C12orf56: variants seen among roughly 807,000 people sequenced by gnomAD.
The protein encoded by C12orf56 is chromosome 12 open reading frame 56, also known as uncharacterized protein C12orf56.
In C12orf56, 71 loss-of-function variants were observed where a neutral mutation model predicts 69.9. That is an observed-to-expected ratio of 1.02 (90% CI 0.84 to 1.24). C12orf56 has a LOEUF of 1.24. Ranked by LOEUF, C12orf56 falls within the 50% of genes most tolerant of loss-of-function variation. C12orf56 has a pLI of 0.00. For missense variants in C12orf56, 732 were observed against 738.5 expected (o/e 0.99, Z 0.10); for synonymous variants, 276 against 274.1 (o/e 1.01, Z -0.07).
chr12:64,300,656 C>T (rs1263838472), intron 6 of C12orf56, among the ~76,000 whole-genome samples: 1 of 152,168 alleles, frequency 6.6e-6, no homozygotes, highest in Non-Finnish European at 1.5e-5. Flanking sequence ...GTTCCCACAC[C>T]CTAAACAAGC....
intron 1 of C12orf56, among the ~76,000 whole-genome samples, chr12:64,378,901 A>G (rs1321686356): frequency 6.6e-6 from 1 of 151,796 alleles, no homozygotes; most frequent in Non-Finnish European, 1.5e-5. Context: ...AAATACAAAC[A>G]TTAGCCGGGT....
At chr12:64,385,764 C>T (rs1456134442) in intron 1 of C12orf56, among the ~76,000 whole-genome samples, 3 of 152,100 alleles carry the variant, frequency 2.0e-5, no homozygotes, top group Admixed American at 6.6e-5. Context: ...CCTGAATGCT[C>T]GGGGAGCCTG....
chr12:64,332,349 TC>T (rs1164752780), intron 2 of C12orf56, among the ~76,000 whole-genome samples: 1 of 150,850 alleles, frequency 6.6e-6, no homozygotes, highest in African/African-American at 2.4e-5. Context: ...GTGCATGAGT[TC>T]CTTCCAAAGT....
At chr12:64,303,012 C>T (rs1468425761) in intron 6 of C12orf56, among the ~76,000 whole-genome samples, 1 of 152,048 alleles carries the variant, frequency 6.6e-6, no homozygotes, top group Non-Finnish European at 1.5e-5. Flanking sequence ...GTGGTTCACA[C>T]CTGTAACTCC....
intron 1 of C12orf56, among the ~76,000 whole-genome samples, chr12:64,356,169 T>TAA: frequency 1.6e-5 from 1 of 64,178 alleles, no homozygotes; most frequent in Non-Finnish European, 2.6e-5. Flanking sequence ...AGACTCCATC[T>TAA]CAAAAAAAAA....
intron 5 of C12orf56, among the ~76,000 whole-genome samples, chr12:64,307,368 CTTT>C (rs748644044): frequency 8.7e-6 from 1 of 115,260 alleles, no homozygotes; most frequent in Non-Finnish European, 1.7e-5. Context: ...ATAGTCAGTC[CTTT>C]TTTTTTTTTT....
chr12:64,370,431 A>G (rs2039555420), intron 1 of C12orf56, among the ~76,000 whole-genome samples: 1 of 151,998 alleles, frequency 6.6e-6, no homozygotes, highest in Admixed American at 6.6e-5. Flanking sequence ...CAGGAGGATC[A>G]TTTGAGGTCA....
chr12:64,365,789 A>G (rs1165885945), intron 1 of C12orf56, among the ~76,000 whole-genome samples: 19 of 141,260 alleles, frequency 1.3e-4, no homozygotes, highest in African/African-American at 4.7e-4. Context: ...TAAATATATA[A>G]TGTATATATT....
At chr12:64,356,920 C>T (rs1387693890) in intron 1 of C12orf56, among the ~76,000 whole-genome samples, 1 of 152,142 alleles carries the variant, frequency 6.6e-6, no homozygotes, top group Non-Finnish European at 1.5e-5. Context: ...CTTTGACTCA[C>T]TAGGTAACCA....
At chr12:64,302,017 C>G (rs1437915356) in intron 6 of C12orf56, among the ~76,000 whole-genome samples, 1 of 152,204 alleles carries the variant, frequency 6.6e-6, no homozygotes, top group African/African-American at 2.4e-5. Context: ...CAATCCCATA[C>G]AATCAGGGTT....
rs189234899 is a variant in C12orf56 at position 64,372,596 on chromosome 12, C to G, written c.252+17718G>C. On this transcript the variant is annotated intron_variant, in intron 1 of 12. Coordinates refer to ENST00000543942, the MANE Select transcript of C12orf56 (RefSeq NM_001170633.2). ...ATGGCACGATCTTGGCTCACTGCAA[C>G]CACTGCCTCCAGGTTCAAGCGATTC... Among the ~76,000 whole-genome samples, 20 of 152,322 alleles carry G rather than the reference C, an allele frequency of 1.3e-4. No individual in the cohort carries two copies. In the South Asian group the frequency reaches 2.3e-3, roughly 17 times the overall value.
chr12:64,333,459 G>T (rs151066717), intron 2 of C12orf56, among the ~76,000 whole-genome samples: 1 of 151,040 alleles, frequency 6.6e-6, no homozygotes, highest in African/African-American at 2.4e-5. Flanking sequence ...TAGTGTTCAC[G>T]TCCCTGCCTC....
chr12:64,337,623 G>A (rs1448743774), intron 2 of C12orf56, among the ~76,000 whole-genome samples: 2 of 152,198 alleles, frequency 1.3e-5, no homozygotes, highest in African/African-American at 4.8e-5. Flanking sequence ...TTGGAAGGCT[G>A]AGGCAGGTGG....
intron 12 of C12orf56, among the ~76,000 whole-genome samples, chr12:64,270,256 C>G (rs2037965587): frequency 6.6e-6 from 1 of 151,516 alleles, no homozygotes; most frequent in Non-Finnish European, 1.5e-5. Context: ...AAAAAATTAG[C>G]CAGGCATGGT....
chr12:64,390,208 G>C (rs1013456161), intron 1 of C12orf56, 106 bp downstream of exon 1: 1 of 1,387,072 alleles, frequency 7.2e-7, no homozygotes, highest in Admixed American at 2.8e-5. Context: ...GGGGAGTCGA[G>C]GGCAGGATGG....
chr12:64,352,849 C>T (rs781676850), intron 2 of C12orf56, 45 bp downstream of exon 2: 1 of 1,312,306 alleles, frequency 7.6e-7, no homozygotes. Context: ...TATATATATA[C>T]TTTTTTTTTT....
intron 8 of C12orf56, among the ~76,000 whole-genome samples, chr12:64,282,590 A>C (rs562705147): frequency 1.3e-5 from 2 of 151,866 alleles, no homozygotes; most frequent in Non-Finnish European, 2.9e-5. Flanking sequence ...CCTGGACAAC[A>C]TGGCAAAACC....
intron 6 of C12orf56, among the ~76,000 whole-genome samples, chr12:64,299,148 G>A (rs139508041): frequency 2.6e-4 from 40 of 152,244 alleles, no homozygotes; most frequent in Admixed American, 9.2e-4. Context: ...AGTAGCAATT[G>A]TGAATGGGAG....
At chr12:64,388,799 G>C (rs1228993461) in intron 1 of C12orf56, among the ~76,000 whole-genome samples, 1 of 152,236 alleles carries the variant, frequency 6.6e-6, no homozygotes, top group Non-Finnish European at 1.5e-5. Flanking sequence ...TGAGGCGGCA[G>C]TGAGCCGTGA....
Sources: gnomAD v4.1 joint callset for allele counts (sites outside exome capture counted in the v4.1 genomes callset) on GRCh38, gnomAD v4.1.1 for gene constraint, MANE v1.5 for transcripts, NCBI Gene and HGNC (gene_info 2026-07-23, HGNC 2026-07-21) for gene names.